The following IGSF5 variants were observed in gnomAD, a reference collection of about 807,000 sequenced individuals.
IGSF5 encodes immunoglobulin superfamily member 5.
IGSF5 carries 41 observed loss-of-function variants against 39.4 expected under a neutral mutation model. The ratio of observed to expected loss-of-function variants is 1.04; its 90% confidence interval spans 0.81 to 1.35. The LOEUF (loss-of-function observed/expected upper bound fraction) is 1.35, where lower values mean the gene tolerates loss of function less well. Ranked by LOEUF, IGSF5 falls within the 40% of genes most tolerant of loss-of-function variation. The probability of loss-of-function intolerance (pLI) is 0.00; values close to 1 mark genes in which losing one functional copy is unlikely to be tolerated. For synonymous variants in IGSF5, 183 were observed against 175.3 expected (o/e 1.04, Z -0.34); for missense variants, 487 against 494.6 (o/e 0.98, Z 0.15).
intron 5 of IGSF5, among the ~76,000 whole-genome samples, chr21:39,780,936 C>G (rs182341616): frequency 6.6e-6 from 1 of 152,176 alleles, no homozygotes; most frequent in Admixed American, 6.5e-5. Flanking sequence ...TTCTAAAGAT[C>G]GGAGTTTTGA....
At chr21:39,733,141 A>G in the IGSF5 span, among the ~76,000 whole-genome samples, 4 of 152,222 alleles carry the variant, frequency 2.6e-5, no homozygotes, top group African/African-American at 9.6e-5. Flanking sequence ...CTCTATGCAT[A>G]CATAAATTCA....
chr21:39,740,689 C>T (rs1478726023), upstream of IGSF5, among the ~76,000 whole-genome samples: 1 of 152,146 alleles, frequency 6.6e-6, no homozygotes, highest in East Asian at 1.9e-4. Context: ...CTAAATGGTC[C>T]CCTCGAGTGG....
chr21:39,770,745 A>G (rs1299907269), intron 3 of IGSF5, among the ~76,000 whole-genome samples, 171 bp from the exon 4 acceptor site: 1 of 152,062 alleles, frequency 6.6e-6, no homozygotes, highest in Non-Finnish European at 1.5e-5. Flanking sequence ...CCCAGATAAA[A>G]TCTGAGTTAA....
chr21:39,771,433 A>G (rs2080114527), intron 4 of IGSF5, among the ~76,000 whole-genome samples: 1 of 152,044 alleles, frequency 6.6e-6, no homozygotes, highest in South Asian at 2.1e-4. Flanking sequence ...CTCCTATTAC[A>G]TTTGAAAACC....
rs1287352746 is a variant in IGSF5, at chr21:39,784,269, A to T, written c.935-3898A>T. Among the ~76,000 whole-genome samples the T allele has an allele frequency of 2.0e-5, 3 of 152,298 alleles. No individual in the cohort carries two copies. In the East Asian group the frequency reaches 5.8e-4, roughly 29 times the overall value. Reference sequence around the variant, plus strand: ...CTAAATGACTTAGATTTTAATAGAGATGTGACTACAGATTGTTCAGTACCT... The same window carrying T: ...CTAAATGACTTAGATTTTAATAGAGTTGTGACTACAGATTGTTCAGTACCT... On this transcript the variant is annotated intron_variant, in intron 5 of 8. Coordinates refer to ENST00000380588, the MANE Select transcript of IGSF5 (RefSeq NM_001080444.2).
the IGSF5 span, among the ~76,000 whole-genome samples, chr21:39,718,657 A>C: frequency 6.6e-6 from 1 of 152,146 alleles, no homozygotes; most frequent in Non-Finnish European, 1.5e-5. Flanking sequence ...ACATTTATTG[A>C]TTTTCATATG....
chr21:39,747,496 C>T (rs1463929095), intron 2 of IGSF5, among the ~76,000 whole-genome samples: 1 of 152,216 alleles, frequency 6.6e-6, no homozygotes, highest in Non-Finnish European at 1.5e-5. Flanking sequence ...AAAGAAGAAG[C>T]TCCTCTGCCA....
At chr21:39,738,498 A>G in the IGSF5 span, among the ~76,000 whole-genome samples, 1 of 152,208 alleles carries the variant, frequency 6.6e-6, no homozygotes, top group East Asian at 1.9e-4. This position sits in a 1 kb window ranked among gnomAD's most constrained non-coding sequence, Gnocchi z 6.4. Flanking sequence ...GTGACAAAAC[A>G]TAGAGTCACA....
intron 1 of IGSF5, among the ~76,000 whole-genome samples, chr21:39,745,925 G>C (rs1030976481): frequency 1.3e-5 from 2 of 152,068 alleles, no homozygotes; most frequent in African/African-American, 4.8e-5. Context: ...GGGGGTGGGG[G>C]GTCCTTGCTC....
intron 5 of IGSF5, among the ~76,000 whole-genome samples, chr21:39,781,017 AGT>A (rs1335999706): frequency 6.6e-6 from 1 of 152,136 alleles, no homozygotes; most frequent in Non-Finnish European, 1.5e-5. Context: ...ATGAACACTT[AGT>A]GTGTGTGTGC....
At chr21:39,754,941 G>A (rs998950252) in intron 2 of IGSF5, among the ~76,000 whole-genome samples, 3 of 152,150 alleles carry the variant, frequency 2.0e-5, no homozygotes, top group African/African-American at 7.2e-5. Context: ...CTCTGAGGGT[G>A]TTTTTGCACT....
the IGSF5 span, among the ~76,000 whole-genome samples, chr21:39,732,132 A>G: frequency 6.6e-6 from 1 of 152,196 alleles, no homozygotes; most frequent in African/African-American, 2.4e-5. Flanking sequence ...AGCCACCCTG[A>G]AAGTGAATCC....
At chr21:39,741,267 G>A (rs539864477), upstream of IGSF5, among the ~76,000 whole-genome samples, 16 of 152,110 alleles carry the variant, frequency 1.1e-4, no homozygotes, top group African/African-American at 2.2e-4. Flanking sequence ...CTTAATTAGC[G>A]TATATAACGG....
At chr21:39,723,291 A>G in the IGSF5 span, among the ~76,000 whole-genome samples, 2 of 152,178 alleles carry the variant, frequency 1.3e-5, no homozygotes, top group Non-Finnish European at 2.9e-5. Flanking sequence ...CTGGCTGTTC[A>G]GGAGAGTCTG....
chr21:39,782,021 G>T (rs189013597), intron 5 of IGSF5, among the ~76,000 whole-genome samples: 179 of 128,640 alleles, frequency 1.4e-3, no homozygotes, highest in African/African-American at 4.9e-3. Context: ...GTGATATGTT[G>T]TATGCATCTA....
rs1333711578 is a variant in IGSF5, at chr21:39,779,170, G to T, written c.799G>T (p.Val267Phe). 6.2e-7 allele frequency: 1 copy of T among 1,614,014 alleles called. No individual in the cohort carries two copies. Among genetic ancestry groups the T allele is most frequent in the Non-Finnish European group, 8.5e-7 (1 of 1,180,014 alleles). ...LGFSLPTWGK[V>F]GLGLAGTMLL... ...TTTTTCATTGCCTACTTGGGGCAAAGTTGGACTTGGACTAGCAGGCACCAT... is the reference window on the plus strand; with the variant it reads ...TTTTTCATTGCCTACTTGGGGCAAATTTGGACTTGGACTAGCAGGCACCAT... Residue 267 changes from valine to phenylalanine, a missense_variant, in exon 5 of 9, where the codon GTT (valine) becomes TTT (phenylalanine). Physicochemically the swap from Val to Phe is conservative, Grantham distance 50. Transcript: ENST00000380588.
intron 8 of IGSF5, among the ~76,000 whole-genome samples, chr21:39,798,005 T>A (rs2087007253): frequency 6.6e-6 from 1 of 151,816 alleles, no homozygotes; most frequent in Admixed American, 6.5e-5. Context: ...CAGGGGCCCA[T>A]TGCTTAAATA....
intron 3 of IGSF5, among the ~76,000 whole-genome samples, chr21:39,767,829 C>T (rs1293808642): frequency 6.6e-6 from 1 of 152,174 alleles, no homozygotes; most frequent in Non-Finnish European, 1.5e-5. Context: ...TCAATAAAGC[C>T]TTCATGGATG....
Position 39,769,858 on chromosome 21 carries a change from A to T in IGSF5, c.419-1058A>T, listed in dbSNP as rs530942180. Among the ~76,000 whole-genome samples, 167 of 152,216 alleles carry T rather than the reference A, an allele frequency of 1.1e-3. 1 individual carries two copies. The highest frequency in any genetic ancestry group is 9.3e-4 in the Non-Finnish European group (63 of 68,036). On this transcript the variant is annotated intron_variant, in intron 3 of 8. Transcript: ENST00000380588. ...TTTCAAATATGATAAATATTGGTAG[A>T]TAAAACCCACACAAATGAAAGGTCT...
Sources: gnomAD v4.1 joint callset for allele counts (sites outside exome capture counted in the v4.1 genomes callset) on GRCh38, gnomAD v4.1.1 for gene constraint, Gnocchi (gnomAD v3.1) non-coding constraint, MANE v1.5 for transcripts, NCBI Gene and HGNC (gene_info 2026-07-23, HGNC 2026-07-21) for gene names.